TAF3: variants seen among roughly 807,000 people sequenced by gnomAD.
TAF3 encodes TATA-box binding protein associated factor 3.
Under a neutral mutation model 80.6 loss-of-function variants are expected in TAF3, and 7 were observed. The observed-to-expected ratio is 0.09, with a 90% CI of 0.05 to 0.16. The LOEUF is 0.16. Ranked by LOEUF, TAF3 falls within the 10% of genes least tolerant of loss-of-function variation. TAF3 has a pLI of 1.00. For missense variants in TAF3, 921 were observed against 1,140.2 expected (o/e 0.81, Z 2.77); for synonymous variants, 444 against 446.1 (o/e 1.00, Z 0.06).
intron 2 of TAF3, among the ~76,000 whole-genome samples, chr10:7,874,873 A>G (rs568280157): frequency 1.3e-5 from 2 of 152,228 alleles, no homozygotes; most frequent in East Asian, 1.9e-4. Flanking sequence ...GAAATTATGT[A>G]TTGAGCTCGG....
At chr10:7,901,929 C>T (rs772200494) in intron 2 of TAF3, among the ~76,000 whole-genome samples, 1 of 152,074 alleles carries the variant, frequency 6.6e-6, no homozygotes, top group Admixed American at 6.5e-5. Flanking sequence ...TATCATTTTG[C>T]CACATTGGCT....
At chr10:7,902,957 T>C (rs1002969813) in intron 2 of TAF3, among the ~76,000 whole-genome samples, 4 of 152,178 alleles carry the variant, frequency 2.6e-5, no homozygotes, top group Non-Finnish European at 5.9e-5. Flanking sequence ...ATGCTTGTGC[T>C]CACCTATGGT....
At chr10:7,912,903 T>A (rs1398838623) in intron 2 of TAF3, among the ~76,000 whole-genome samples, 1 of 152,156 alleles carries the variant, frequency 6.6e-6, no homozygotes, top group Non-Finnish European at 1.5e-5. Context: ...TTTGTCGGTG[T>A]CTGCTCGGGC....
At chr10:7,982,491 C>T (rs761171867) in intron 4 of TAF3, among the ~76,000 whole-genome samples, 3 of 152,136 alleles carry the variant, frequency 2.0e-5, no homozygotes, top group Non-Finnish European at 4.4e-5. Flanking sequence ...CTCCACCTCC[C>T]GGGTTCAAGT....
intron 2 of TAF3, among the ~76,000 whole-genome samples, chr10:7,856,858 C>CAAAA (rs57207229): frequency 1.4e-4 from 13 of 91,114 alleles, no homozygotes; most frequent in South Asian, 7.0e-4. Flanking sequence ...AGCTGGTTCT[C>CAAAA]AAAAAAAAAA....
rs556664968 is a variant in TAF3, at chr10:7,886,839, A to G, written c.409+62279A>G. Among the ~76,000 whole-genome samples the G allele has an allele frequency of 1.4e-4, 21 of 152,350 alleles. No homozygotes were observed. In the South Asian group the frequency reaches 3.3e-3, roughly 24 times the overall value. Reference sequence around the variant, plus strand: ...AACTTATGCTTACAAAATTAATAGAAAAAATATAGACTAATCTTGAATTGG... The same window carrying G: ...AACTTATGCTTACAAAATTAATAGAGAAAATATAGACTAATCTTGAATTGG... On this transcript the variant is annotated intron_variant, in intron 2 of 6. Coordinates refer to ENST00000344293, the MANE Select transcript of TAF3 (RefSeq NM_031923.4).
intron 2 of TAF3, among the ~76,000 whole-genome samples, chr10:7,919,786 C>T (rs965178522): frequency 4.0e-5 from 6 of 151,898 alleles, no homozygotes; most frequent in Admixed American, 1.3e-4. Flanking sequence ...TTTTGATCCA[C>T]GGTAGGTTGA....
chr10:7,979,298 C>T (rs763364158), intron 4 of TAF3, among the ~76,000 whole-genome samples: 4 of 146,484 alleles, frequency 2.7e-5, no homozygotes, highest in African/African-American at 5.1e-5. Context: ...GAGCTGAGAT[C>T]GCGCCACTGA....
intron 2 of TAF3, among the ~76,000 whole-genome samples, chr10:7,915,045 ATTC>A (rs1283651652): frequency 2.8e-5 from 4 of 141,554 alleles, no homozygotes; most frequent in Non-Finnish European, 6.0e-5. Context: ...GGTTCACGCC[ATTC>A]TTCTGCCTCA....
intron 2 of TAF3, among the ~76,000 whole-genome samples, chr10:7,881,482 T>TACACACAAACACACACAC (rs1554779644): frequency 7.4e-6 from 1 of 135,408 alleles, no homozygotes; most frequent in African/African-American, 2.6e-5. Flanking sequence ...GACACACACA[T>TACACACAAACACACACAC]ACACACAAAC....
intron 4 of TAF3, among the ~76,000 whole-genome samples, chr10:7,993,765 T>A (rs1215466877): frequency 1.3e-5 from 2 of 152,224 alleles, no homozygotes; most frequent in African/African-American, 4.8e-5. Context: ...ATTGGGAAAT[T>A]ATTTTTTAAT....
intron 2 of TAF3, among the ~76,000 whole-genome samples, chr10:7,903,299 C>T (rs1474550826): frequency 1.3e-5 from 2 of 152,168 alleles, no homozygotes; most frequent in African/African-American, 2.4e-5. Context: ...TGAGAGGCCC[C>T]TACAGGTGAC....
At chr10:7,971,579 T>G (rs2131416831) in intron 3 of TAF3, among the ~76,000 whole-genome samples, 1 of 152,308 alleles carries the variant, frequency 6.6e-6, no homozygotes, top group South Asian at 2.1e-4. Context: ...AGATAAACTT[T>G]AAAGCTGGAA....
intron 3 of TAF3, among the ~76,000 whole-genome samples, chr10:7,974,449 A>C (rs1831651496): frequency 6.6e-6 from 1 of 152,248 alleles, no homozygotes. Flanking sequence ...AGTGTCAATC[A>C]GTGCTAATCC....
intron 3 of TAF3, among the ~76,000 whole-genome samples, chr10:7,973,949 G>A (rs1317459653): frequency 6.6e-6 from 1 of 152,028 alleles, no homozygotes. Context: ...CCAGCATGGT[G>A]AAACCCTGTC....
At chr10:7,823,620 G>C (rs1194570929) in intron 1 of TAF3, among the ~76,000 whole-genome samples, 5 of 149,610 alleles carry the variant, frequency 3.3e-5, no homozygotes, top group Non-Finnish European at 3.0e-5. Flanking sequence ...TGGGCAACAA[G>C]CAAGATGCCA....
chr10:7,917,236 AAG>A (rs1250474442), intron 2 of TAF3, among the ~76,000 whole-genome samples: 2 of 152,238 alleles, frequency 1.3e-5, no homozygotes, highest in East Asian at 1.9e-4. Flanking sequence ...AAGGAGGGAA[AAG>A]AGAGCGAGGA....
In TAF3 at chr10:7,988,752, G is replaced by GAAAAAAAAAAAAA. The variant is rs56395044; in HGVS notation, c.2315+11436_2315+11448dup. ...CAATAGAGTGAGATTCTGTCTCTCA[G>GAAAAAAAAAAAAA]AAAAAAAAAAAAAAAAAAATCAAGA... On this transcript the variant is annotated intron_variant, in intron 4 of 6. Transcript: ENST00000344293. Among the ~76,000 whole-genome samples, 39 of 92,832 alleles carry GAAAAAAAAAAAAA rather than the reference G, an allele frequency of 4.2e-4. 2 individuals carry two copies. The highest frequency in any genetic ancestry group is 1.8e-3 in the African/African-American group (36 of 19,564). 60.9% of individuals were successfully genotyped at this position (92,832 alleles called of 152,430 possible).
intron 2 of TAF3, among the ~76,000 whole-genome samples, chr10:7,948,408 G>A (rs1009085821): frequency 1.1e-4 from 16 of 152,030 alleles, no homozygotes; most frequent in African/African-American, 3.6e-4. Context: ...TTTTAAGAAT[G>A]TTTATTCTGT....
Sources: allele counts gnomAD v4.1 joint callset (sites outside exome capture counted in the v4.1 genomes callset), GRCh38; gene constraint gnomAD v4.1.1; transcripts MANE v1.5; gene names NCBI Gene and HGNC (gene_info 2026-07-23, HGNC 2026-07-21).